Variants in RPRD1A observed in about 807,000 individuals in gnomAD.
The protein encoded by RPRD1A is regulation of nuclear pre-mRNA domain containing 1A.
In RPRD1A, 9 loss-of-function variants were observed where a neutral mutation model predicts 37.8. The ratio of observed to expected loss-of-function variants is 0.24; its 90% CI spans 0.14 to 0.42. RPRD1A has a LOEUF of 0.42. Ranked by LOEUF, RPRD1A falls within the 10% of genes least tolerant of loss-of-function variation. The pLI is 1.00. For missense variants in RPRD1A, 255 were observed against 371.0 expected (o/e 0.69, Z 2.57); for synonymous variants, 138 against 139.7 (o/e 0.99, Z 0.08).
At chr18:36,050,446 C>T (rs1353581151) in intron 1 of RPRD1A, among the ~76,000 whole-genome samples, 1 of 151,640 alleles carries the variant, frequency 6.6e-6, no homozygotes, top group Admixed American at 6.6e-5. Context: ...CCCGCCTTTG[C>T]TTTTGTATCA....
intron 6 of RPRD1A, among the ~76,000 whole-genome samples, chr18:36,005,665 G>C (rs995151993): frequency 2.0e-5 from 3 of 152,152 alleles, no homozygotes; most frequent in Non-Finnish European, 4.4e-5. Context: ...GAAATCCACA[G>C]CATGAAAATG....
chr18:35,992,396 C>A lies in RPRD1A; in HGVS notation c.*755G>T, dbSNP rs879767925. On this transcript the variant is annotated 3_prime_UTR_variant, in exon 7 of 7. Transcript: ENST00000399022. Reference sequence around the variant, plus strand: ...AACCAGTTCCAGAACCAAAGTTGTCCTCTTGGTAGAATGTCAAAATGTATA... The same window carrying A: ...AACCAGTTCCAGAACCAAAGTTGTCATCTTGGTAGAATGTCAAAATGTATA... 9 of 152,134 alleles carry A rather than the reference C, an allele frequency of 5.9e-5. No homozygotes were observed. The highest frequency in any genetic ancestry group is 4.4e-5 in the Non-Finnish European group (3 of 68,014). 9.4% of individuals were successfully genotyped at this position (152,134 alleles called of 1,614,324 possible).
At chr18:35,998,949 A>G (rs191567935) in intron 6 of RPRD1A, among the ~76,000 whole-genome samples, 53 of 152,330 alleles carry the variant, frequency 3.5e-4, no homozygotes, top group African/African-American at 1.0e-3. Flanking sequence ...CCACCATTAC[A>G]GATTTCTTTA....
chr18:36,055,576 C>T (rs566285488), intron 1 of RPRD1A, among the ~76,000 whole-genome samples: 1 of 152,268 alleles, frequency 6.6e-6, no homozygotes, highest in African/African-American at 2.4e-5. Flanking sequence ...TAAGACTGCA[C>T]AGTTCTCAGC....
chr18:36,062,773 C>T (rs2088942459), intron 1 of RPRD1A, among the ~76,000 whole-genome samples: 1 of 152,014 alleles, frequency 6.6e-6, no homozygotes, highest in Non-Finnish European at 1.5e-5. Flanking sequence ...TTAGCAGTTG[C>T]CTAGGGTTGG....
intron 1 of RPRD1A, among the ~76,000 whole-genome samples, chr18:36,034,046 G>A (rs562348362): frequency 2.8e-4 from 43 of 151,688 alleles, no homozygotes; most frequent in African/African-American, 9.9e-4. Flanking sequence ...AATGCATCTC[G>A]GTGACTCTAT....
intron 6 of RPRD1A, among the ~76,000 whole-genome samples, chr18:36,019,616 C>A (rs1182190764): frequency 1.3e-5 from 2 of 152,180 alleles, no homozygotes; most frequent in African/African-American, 2.4e-5. Flanking sequence ...AAAAGTCTTC[C>A]ATTTATATGA....
intron 6 of RPRD1A, among the ~76,000 whole-genome samples, chr18:36,023,074 TATAG>T (rs1191719146): frequency 6.6e-6 from 1 of 152,246 alleles, no homozygotes; most frequent in African/African-American, 2.4e-5. Flanking sequence ...TTCTGCCACT[TATAG>T]ATAAAAGAGC....
At chr18:36,017,770 A>G (rs1230340753) in intron 6 of RPRD1A, among the ~76,000 whole-genome samples, 1 of 152,246 alleles carries the variant, frequency 6.6e-6, no homozygotes, top group Non-Finnish European at 1.5e-5. Context: ...AAAGGGCAAT[A>G]GAGTGTAAAT....
chr18:36,046,431 G>A (rs149609140), intron 1 of RPRD1A, among the ~76,000 whole-genome samples: 74 of 152,198 alleles, frequency 4.9e-4, no homozygotes, highest in African/African-American at 1.8e-3. Context: ...GGTGTCAGTG[G>A]AGACCTACTG....
chr18:36,064,601 G>C (rs1235774500), intron 1 of RPRD1A, among the ~76,000 whole-genome samples: 1 of 152,124 alleles, frequency 6.6e-6, no homozygotes, highest in Non-Finnish European at 1.5e-5. Flanking sequence ...TCAGTGCTGT[G>C]TGTCTCGCTA....
intron 1 of RPRD1A, among the ~76,000 whole-genome samples, chr18:36,062,625 C>G (rs1452354332): frequency 6.6e-6 from 1 of 152,162 alleles, no homozygotes; most frequent in South Asian, 2.1e-4. Flanking sequence ...TCTTTTGCAA[C>G]TGGCTTCTTT....
intron 6 of RPRD1A, among the ~76,000 whole-genome samples, chr18:36,008,180 C>G (rs1375648708): frequency 6.6e-6 from 1 of 152,074 alleles, no homozygotes; most frequent in African/African-American, 2.4e-5. Flanking sequence ...GGAGAGGCTA[C>G]ATTTTTAAAA....
At chr18:36,001,050 C>A (rs984916471) in intron 6 of RPRD1A, among the ~76,000 whole-genome samples, 3 of 152,158 alleles carry the variant, frequency 2.0e-5, no homozygotes, top group Non-Finnish European at 4.4e-5. Flanking sequence ...ACATCTCTGG[C>A]ATTCCTACTA....
chr18:36,051,898 A>C (rs1449622270), intron 1 of RPRD1A, among the ~76,000 whole-genome samples: 2 of 152,182 alleles, frequency 1.3e-5, no homozygotes, highest in Non-Finnish European at 2.9e-5. Context: ...AGCAAGAGAG[A>C]GGGATGAAGA....
chr18:36,024,092 A>G (rs927583629), intron 6 of RPRD1A, among the ~76,000 whole-genome samples: 4 of 152,202 alleles, frequency 2.6e-5, no homozygotes, highest in African/African-American at 9.6e-5. Context: ...CCTAAATATT[A>G]TAAATGTAAA....
chr18:36,034,035 A>C (rs1912008086), intron 1 of RPRD1A, among the ~76,000 whole-genome samples, 198 bp from the exon 2 acceptor site: 1 of 152,100 alleles, frequency 6.6e-6, no homozygotes, highest in African/African-American at 2.4e-5. Flanking sequence ...GTCTATGTAA[A>C]AATGCATCTC....
chr18:36,064,822 CTT>C lies in RPRD1A; in HGVS notation c.151+2430_151+2431del, dbSNP rs541140039. Among the ~76,000 whole-genome samples the C allele has an allele frequency of 4.6e-5, 7 of 152,312 alleles. No homozygotes were observed. In the East Asian group the frequency reaches 1.2e-3, roughly 25 times the overall value. ...ACAATAAATCTTGCTGCTGCTCACTCTTTGGGTCCCTGCCGCCTTTATGAGCT... is the reference window on the plus strand; with the variant it reads ...ACAATAAATCTTGCTGCTGCTCACTCTGGGTCCCTGCCGCCTTTATGAGCT... On this transcript the variant is annotated intron_variant, in intron 1 of 6. Transcript: ENST00000399022.
intron 6 of RPRD1A, among the ~76,000 whole-genome samples, chr18:36,016,538 G>GT (rs1424419764): frequency 8.5e-5 from 13 of 152,206 alleles, no homozygotes; most frequent in African/African-American, 3.1e-4. Context: ...TGTTAAAACT[G>GT]TAACTAACTC....
Sources: gnomAD v4.1 joint callset for allele counts (sites outside exome capture counted in the v4.1 genomes callset) on GRCh38, gnomAD v4.1.1 for gene constraint, MANE v1.5 for transcripts, NCBI Gene and HGNC (gene_info 2026-07-23, HGNC 2026-07-21) for gene names.